Variants in FBXO34 observed in about 807,000 individuals in gnomAD.
FBXO34 encodes F-box protein 34.
In FBXO34, 12 loss-of-function variants were observed where a neutral mutation model predicts 24.5. The observed-to-expected ratio is 0.49, with a 90% CI of 0.31 to 0.79. The LOEUF is 0.79. Ranked by LOEUF, FBXO34 falls within the 30% of genes least tolerant of loss-of-function variation. The pLI is 0.04. For synonymous variants in FBXO34, 320 were observed against 311.9 expected (o/e 1.03, Z -0.27); for missense variants, 823 against 857.7 (o/e 0.96, Z 0.51).
chr14:55,318,415 G>A (rs1208242895), intron 1 of FBXO34: 1 of 35,328 alleles, frequency 2.8e-5, no homozygotes, highest in Non-Finnish European at 4.4e-5. Context: ...TATATATGCA[G>A]TCAGTAACTT....
chr14:55,282,902 A>G (rs1454731536), intron 1 of FBXO34, among the ~76,000 whole-genome samples: 1 of 152,248 alleles, frequency 6.6e-6, no homozygotes, highest in African/African-American at 2.4e-5. Flanking sequence ...AGGTAGTCTC[A>G]AAGGACACTT....
chr14:55,375,195 T>C, the FBXO34 span, among the ~76,000 whole-genome samples: 2 of 152,250 alleles, frequency 1.3e-5, no homozygotes, highest in Non-Finnish European at 2.9e-5. Context: ...TATAATCATT[T>C]TACATATATT....
At chr14:55,440,885 G>A in the FBXO34 span, among the ~76,000 whole-genome samples, 1 of 152,176 alleles carries the variant, frequency 6.6e-6, no homozygotes, top group African/African-American at 2.4e-5. Flanking sequence ...TTGTTGAGAT[G>A]GAATCCCACT....
At chr14:55,364,053 C>T (rs1190914124), downstream of FBXO34, among the ~76,000 whole-genome samples, 1 of 151,456 alleles carries the variant, frequency 6.6e-6, no homozygotes, top group Non-Finnish European at 1.5e-5. Context: ...TGGGTTCAAG[C>T]GATTCTCCTG....
chr14:55,340,286 C>T (rs1434282252), intron 1 of FBXO34, among the ~76,000 whole-genome samples: 1 of 152,104 alleles, frequency 6.6e-6, no homozygotes, highest in Non-Finnish European at 1.5e-5. Flanking sequence ...TCTGTTTCGC[C>T]CTAGCTGGAG....
chr14:55,427,201 C>T, the FBXO34 span, among the ~76,000 whole-genome samples: 2 of 152,014 alleles, frequency 1.3e-5, no homozygotes, highest in Admixed American at 1.3e-4. Flanking sequence ...GGCAACATGT[C>T]TTACATGGGG....
the FBXO34 span, among the ~76,000 whole-genome samples, chr14:55,400,724 G>A: frequency 2.0e-5 from 3 of 152,176 alleles, no homozygotes; most frequent in East Asian, 3.9e-4. Context: ...CCAACATGGC[G>A]AAACTCTGTC....
At chr14:55,355,613 A>G (rs754241762), downstream of FBXO34, among the ~76,000 whole-genome samples, 6 of 152,214 alleles carry the variant, frequency 3.9e-5, no homozygotes, top group Non-Finnish European at 8.8e-5. Flanking sequence ...AGCAATCTAG[A>G]GGTGATTTAA....
At chr14:55,331,059 T>C (rs1395113059) in intron 1 of FBXO34, among the ~76,000 whole-genome samples, 1 of 152,192 alleles carries the variant, frequency 6.6e-6, no homozygotes, top group African/African-American at 2.4e-5. Context: ...ATAGGAGAAA[T>C]GATTGCTTGA....
chr14:55,350,618 G>T lies in FBXO34; in HGVS notation c.228G>T (p.Lys76Asn). The T allele has an allele frequency of 6.2e-7, 1 of 1,612,456 alleles. No homozygotes were observed. Among genetic ancestry groups the T allele is most frequent in the Middle Eastern group, 1.7e-4 (1 of 6,028 alleles). ...SPNVLCSMSG[K>N]SPVESSLNVK... ...ATGTTCTGTGCAGTATGAGTGGGAA[G>T]AGTCCTGTAGAGAGCAGCTTGAATG... The change falls in exon 2 of 2, where the codon AAG becomes AAT. Residue 76 changes from lysine (K) to asparagine (N), a missense_variant. This residue lies in a region of FBXO34 where 693 missense variants were observed against 659.1 expected (regional missense o/e 1.05). Coordinates refer to ENST00000313833, the MANE Select transcript of FBXO34 (RefSeq NM_017943.4).
the FBXO34 span, among the ~76,000 whole-genome samples, chr14:55,406,031 A>G: frequency 1.3e-5 from 2 of 152,182 alleles, no homozygotes; most frequent in Non-Finnish European, 2.9e-5. Flanking sequence ...AACAACGACA[A>G]AAAAATAATG....
the FBXO34 span, among the ~76,000 whole-genome samples, chr14:55,434,795 A>G: frequency 1.3e-5 from 2 of 152,206 alleles, no homozygotes; most frequent in African/African-American, 4.8e-5. Context: ...GCAACAGCAA[A>G]AACAAATAAT....
At chr14:55,320,003 T>G (rs1032926321) in intron 1 of FBXO34, among the ~76,000 whole-genome samples, 1 of 152,102 alleles carries the variant, frequency 6.6e-6, no homozygotes, top group Non-Finnish European at 1.5e-5. Flanking sequence ...GGAAACTCCT[T>G]TAAGGGTACA....
chr14:55,389,137 G>A, the FBXO34 span, among the ~76,000 whole-genome samples: 4 of 152,170 alleles, frequency 2.6e-5, no homozygotes, highest in Non-Finnish European at 5.9e-5. Flanking sequence ...CTAATTCTTT[G>A]TGGTGGTTGT....
At chr14:55,439,719 A>C in the FBXO34 span, among the ~76,000 whole-genome samples, 2 of 151,154 alleles carry the variant, frequency 1.3e-5, no homozygotes, top group Non-Finnish European at 2.9e-5. Flanking sequence ...TCACGAGGTC[A>C]GGAGATCGAG....
At chr14:55,283,978 G>C (rs9743948) in intron 1 of FBXO34, among the ~76,000 whole-genome samples, 4 of 140,396 alleles carry the variant, frequency 2.8e-5, no homozygotes, top group East Asian at 2.1e-4. Flanking sequence ...GTGTGTGTCT[G>C]TGTGTGTGTG....
chr14:55,425,911 A>G, the FBXO34 span, among the ~76,000 whole-genome samples: 1 of 152,250 alleles, frequency 6.6e-6, no homozygotes, highest in Non-Finnish European at 1.5e-5. Flanking sequence ...CATCTGCTAC[A>G]TGGTAGTCAC....
intron 1 of FBXO34, among the ~76,000 whole-genome samples, chr14:55,340,473 T>C: frequency 6.6e-6 from 1 of 152,044 alleles, no homozygotes; most frequent in Admixed American, 6.5e-5. Context: ...TCTCGAACTT[T>C]TGTGCTCAAG....
At chr14:55,317,199 T>A (rs548719400) in intron 1 of FBXO34, among the ~76,000 whole-genome samples, 10 of 152,322 alleles carry the variant, frequency 6.6e-5, no homozygotes, top group African/African-American at 1.9e-4. Flanking sequence ...AGCTGGTTCA[T>A]ACTAGCTTAT....
Sources: allele counts gnomAD v4.1 joint callset (sites outside exome capture counted in the v4.1 genomes callset), GRCh38; gene constraint gnomAD v4.1.1; regional missense constraint gnomAD v4.1.1; transcripts MANE v1.5; gene names NCBI Gene and HGNC (gene_info 2026-07-23, HGNC 2026-07-21).